The following UBXN2A variants were observed in gnomAD, a reference collection of about 807,000 sequenced individuals.
UBXN2A encodes the protein UBX domain protein 2A.
A neutral mutation model predicts 28.4 loss-of-function variants in UBXN2A; 28 were observed. The ratio of observed to expected loss-of-function variants is 0.99; its 90% CI spans 0.73 to 1.35. The LOEUF is 1.35. UBXN2A is among the 40% of genes most tolerant of loss of function. UBXN2A has a pLI of 0.00. For synonymous variants in UBXN2A, 97 were observed against 103.6 expected, an observed-to-expected ratio of 0.94 and a Z score of 0.39; for missense variants, 253 against 297.9, an observed-to-expected ratio of 0.85 and a Z score of 1.11.
intron 1 of UBXN2A, among the ~76,000 whole-genome samples, chr2:23,943,264 T>A (rs1705862589): frequency 6.6e-6 from 1 of 152,092 alleles, no homozygotes; most frequent in South Asian, 2.1e-4. Flanking sequence ...CAACTTTTTA[T>A]TTCAAAAAGT....
chr2:23,942,177 CAG>C (rs1432044858), intron 1 of UBXN2A, among the ~76,000 whole-genome samples: 1 of 152,080 alleles, frequency 6.6e-6, no homozygotes, highest in African/African-American at 2.4e-5. Flanking sequence ...GAGAAGGTAA[CAG>C]GGGGACTTAT....
chr2:23,949,501 G>A (rs1706259125), intron 1 of UBXN2A, among the ~76,000 whole-genome samples: 1 of 151,662 alleles, frequency 6.6e-6, no homozygotes, highest in Non-Finnish European at 1.5e-5. Context: ...GAACCCAGGA[G>A]GTAGAGGTTG....
chr2:23,937,273 G>A (rs1705558364), upstream of UBXN2A, among the ~76,000 whole-genome samples: 1 of 152,174 alleles, frequency 6.6e-6, no homozygotes, highest in African/African-American at 2.4e-5. Context: ...GGCCAAGTGT[G>A]GTATCTCATA....
At chr2:23,963,416 G>A (rs1707022619) in intron 2 of UBXN2A, among the ~76,000 whole-genome samples, 1 of 150,710 alleles carries the variant, frequency 6.6e-6, no homozygotes, top group East Asian at 1.9e-4. Context: ...TCGGGGGGCT[G>A]AGGCAAGATT....
intron 3 of UBXN2A, among the ~76,000 whole-genome samples, chr2:23,972,315 C>T (rs80207456): frequency 6.6e-6 from 1 of 152,196 alleles, no homozygotes; most frequent in East Asian, 1.9e-4. Context: ...ACATGATGCT[C>T]AAAGGGATGC....
At chr2:23,983,663 A>G (rs1708008027) in intron 5 of UBXN2A, among the ~76,000 whole-genome samples, 1 of 151,982 alleles carries the variant, frequency 6.6e-6, no homozygotes, top group Non-Finnish European at 1.5e-5. Flanking sequence ...TACATGTACT[A>G]GCTTTTGAAT....
In UBXN2A at chr2:23,982,892, C is replaced by A; in HGVS notation, c.288-4C>A. The A allele has an allele frequency of 6.3e-7, 1 of 1,579,086 alleles. No homozygotes were observed. Among genetic ancestry groups the A allele is most frequent in the Non-Finnish European group, 8.6e-7 (1 of 1,164,446 alleles). ...TTTATCATTTTCTTTCTTTGTTTTC[C>A]AAGGGAATTACCTTCAGAATTACAG... On this transcript the variant is annotated splice_region_variant and splice_polypyrimidine_tract_variant and intron_variant, in intron 4 of 6. Transcript: ENST00000309033.
chr2:23,971,583 G>C (rs1187160100), intron 3 of UBXN2A, among the ~76,000 whole-genome samples, 169 bp downstream of exon 3: 1 of 152,068 alleles, frequency 6.6e-6, no homozygotes. Flanking sequence ...CAACCTCCTG[G>C]GTTCAAGCAG....
intron 4 of UBXN2A, among the ~76,000 whole-genome samples, chr2:23,978,601 G>A (rs1015917102): frequency 4.6e-5 from 7 of 150,678 alleles, no homozygotes; most frequent in African/African-American, 1.7e-4. Flanking sequence ...CCAGGATCAC[G>A]CCACTGCACT....
intron 2 of UBXN2A, among the ~76,000 whole-genome samples, chr2:23,969,627 C>G (rs181785268): frequency 2.3e-4 from 35 of 152,236 alleles, no homozygotes; most frequent in African/African-American, 8.4e-4. Flanking sequence ...TCTCAAAGTG[C>G]TGGGATTACA....
chr2:23,968,085 C>T (rs887589193), intron 2 of UBXN2A, among the ~76,000 whole-genome samples: 10 of 152,080 alleles, frequency 6.6e-5, no homozygotes, highest in Admixed American at 3.9e-4. Context: ...TGCACCACCA[C>T]GCCAAGGCTC....
At chr2:23,988,442 A>G (rs557664403) in intron 6 of UBXN2A, among the ~76,000 whole-genome samples, 94 of 152,334 alleles carry the variant, frequency 6.2e-4, no homozygotes, top group African/African-American at 2.1e-3. Flanking sequence ...TGATTTTTAT[A>G]ACCTTGACTT....
Position 23,979,716 on chromosome 2 carries a change from A to T in UBXN2A, c.287+2641A>T, listed in dbSNP as rs1707817563. Reference sequence around the variant, plus strand: ...CCCAAATAGCTGGAACGATAGGTGTATGTCACCATGCCCAGCTAATTTTTT... The same window carrying T: ...CCCAAATAGCTGGAACGATAGGTGTTTGTCACCATGCCCAGCTAATTTTTT... On this transcript the variant is annotated intron_variant, in intron 4 of 6. Coordinates refer to ENST00000309033, the MANE Select transcript of UBXN2A (RefSeq NM_181713.4). Among the ~76,000 whole-genome samples, 3 of 152,094 alleles carry T rather than the reference A, an allele frequency of 2.0e-5. No individual in the cohort carries two copies. In the South Asian group the frequency reaches 6.2e-4, roughly 32 times the overall value.
rs1473764136 is a variant in UBXN2A, at chr2:24,000,780, T to G, written c.*913T>G. On this transcript the variant is annotated 3_prime_UTR_variant, in exon 7 of 7. Transcript: ENST00000309033. ...CAAGATTAATCTGCCTACTCACATT[T>G]CTACACTTTATAAAAATGTAATAAA... The G allele has an allele frequency of 6.6e-6, 1 of 152,168 alleles. No homozygotes were observed. The highest frequency in any genetic ancestry group is 1.5e-5 in the Non-Finnish European group (1 of 68,030). The allele number at this position is 152,168 out of a possible 1,614,324, so 9.4% of individuals were successfully genotyped here. A position where few individuals can be genotyped will look rare whatever the true frequency, so the allele number is the denominator to read the frequency against.
In UBXN2A at chr2:23,971,520, T is replaced by C. The variant is rs138973358; in HGVS notation, c.180+106T>C. On this transcript the variant is annotated intron_variant, in intron 3 of 6. Transcript: ENST00000309033. ...ATTGTTTTGTTTGAGACAAGGTCTT[T>C]CTCTGTCACCCAGACTGGAGTGCAG... 4.4e-3 allele frequency: 5,606 copies of C among 1,261,384 alleles called. 18 individuals carry two copies. Among genetic ancestry groups the C allele is most frequent in the Middle Eastern group, 0.01 (35 of 3,342 alleles). The allele number at this position is 1,261,384 out of a possible 1,614,324, so 78.1% of individuals were successfully genotyped here. A position where few individuals can be genotyped will look rare whatever the true frequency, so the allele number is the denominator to read the frequency against.
At chr2:23,996,118 G>C (rs893815480) in intron 6 of UBXN2A, among the ~76,000 whole-genome samples, 1 of 150,628 alleles carries the variant, frequency 6.6e-6, no homozygotes, top group Admixed American at 6.6e-5. Context: ...CAAGGCTGGA[G>C]TGCAGTGGCA....
Position 23,958,353 on chromosome 2 carries a change from A to G in UBXN2A, c.39A>G (p.Glu13=), listed in dbSNP as rs1383544609. Reference sequence around the variant, plus strand: ...ATAACCTCAAAAGTATAAAAGAAGAATGGTAAGTTAATTCAAACTGAATTG... The same window carrying G: ...ATAACCTCAAAAGTATAAAAGAAGAGTGGTAAGTTAATTCAAACTGAATTG... The part of the protein sequence containing the change: ...DVDNLKSIKE[E]WVCETGSDNQ... Residue 13 remains glutamate, a splice_region_variant and synonymous_variant, in exon 2 of 7, where the codon GAA becomes GAG. Coordinates refer to ENST00000309033, the MANE Select transcript of UBXN2A (RefSeq NM_181713.4). 6.9e-5 allele frequency: 111 copies of G among 1,605,004 alleles called. No individual in the cohort carries two copies. Among genetic ancestry groups the G allele is most frequent in the Non-Finnish European group, 9.0e-5 (106 of 1,177,214 alleles).
chr2:23,956,231 G>A (rs1706617946), intron 1 of UBXN2A, among the ~76,000 whole-genome samples: 1 of 151,790 alleles, frequency 6.6e-6, no homozygotes, highest in African/African-American at 2.4e-5. Context: ...TTATTCAATG[G>A]AGCAGAATCC....
At position 23,982,975 on chromosome 2, in the gene UBXN2A, T is replaced by C. The variant is rs758832699; in HGVS notation, c.367T>C (p.Cys123Arg). The C allele has an allele frequency of 1.9e-6, 3 of 1,612,122 alleles. No homozygotes were observed. Among genetic ancestry groups the C allele is most frequent in the South Asian group, 1.1e-5 (1 of 90,600 alleles). Residue 123 changes from cysteine (C) to arginine (R), a missense_variant, in exon 5 of 7, where the codon TGT (cysteine) becomes CGT (arginine). Physicochemically the swap from Cys to Arg is radical, Grantham distance 180 (BLOSUM62 -3). Transcript: ENST00000309033. ...AGTTGAAGACAAGAAAAATGAAATA[T>C]GTTTGTCTACGAAGCCTGTGTTCCA... ...VKVEDKKNEICLSTKPVFQPF... is the reference protein window; with the variant it reads ...VKVEDKKNEIRLSTKPVFQPF...
Sources: allele counts gnomAD v4.1 joint callset (sites outside exome capture counted in the v4.1 genomes callset), GRCh38; gene constraint gnomAD v4.1.1; transcripts MANE v1.5; gene names NCBI Gene and HGNC (gene_info 2026-07-23, HGNC 2026-07-21).